The following ZNF875 variants were observed in gnomAD, a reference collection of about 807,000 sequenced individuals.
The protein encoded by ZNF875 is HKR1, GLI-Kruppel zinc finger family member.
A neutral mutation model predicts 11.2 loss-of-function variants in ZNF875; 14 were observed. That is an observed-to-expected ratio of 1.26 (90% CI 0.83 to 1.96). The LOEUF (loss-of-function observed/expected upper bound fraction) is 1.96, where lower values mean the gene tolerates loss of function less well. Among genes scored for constraint, ZNF875 ranks in the 30% most tolerant of loss-of-function variants. The pLI is 0.00. For missense variants in ZNF875, 752 were observed against 760.4 expected (o/e 0.99, Z 0.13); for synonymous variants, 301 against 281.1 (o/e 1.07, Z -0.71).
chr19:37,347,238 T>A lies in ZNF875; in HGVS notation c.82T>A (p.Trp28Arg), dbSNP rs1171182559. ...GGCTGTGTACTTCACCCAGGAGGAG[T>A]GGAGGTTGTTGAGCCCTGCTCAGAG... Reference protein sequence around the residue: ...DVAVYFTQEEWRLLSPAQRTL... With the variant: ...DVAVYFTQEERRLLSPAQRTL... The change falls in exon 3 of 5, where the codon TGG (tryptophan) becomes AGG (arginine). Residue 28 changes from tryptophan (W) to arginine (R), a missense_variant. Coordinates refer to ENST00000392153, the MANE Select transcript of ZNF875 (RefSeq NM_001353803.2). The A allele has an allele frequency of 3.1e-6, 5 of 1,613,720 alleles. No homozygotes were observed. Among genetic ancestry groups the A allele is most frequent in the South Asian group, 1.1e-5 (1 of 91,066 alleles).
chr19:37,363,922 A>G lies in ZNF875; in HGVS notation c.*147A>G. ...CATTCTGTGTGTGATTATGCATGAG[A>G]CTGTACTGGTAAGACTTGTATCTCC... On this transcript the variant is annotated 3_prime_UTR_variant, in exon 5 of 5. Coordinates refer to ENST00000392153, the MANE Select transcript of ZNF875 (RefSeq NM_001353803.2). 1.5e-6 allele frequency: 1 copy of G among 661,920 alleles called. No individual in the cohort carries two copies. Among genetic ancestry groups the G allele is most frequent in the Non-Finnish European group, 2.7e-6 (1 of 375,698 alleles). 41.0% of individuals were successfully genotyped at this position (661,920 alleles called of 1,614,324 possible). A position where few individuals can be genotyped will look rare whatever the true frequency, so the allele number is the denominator to read the frequency against.
Position 37,364,393 on chromosome 19 carries a change from C to T in ZNF875, c.*618C>T, listed in dbSNP as rs1024572279. ...GGTTGGGGACCACTCCCTGCATCCC[C>T]TCTCCACTGAGAGCTGTTCTTTTGC... On this transcript the variant is annotated 3_prime_UTR_variant, in exon 5 of 5. Transcript: ENST00000392153. 1.3e-5 allele frequency: 2 copies of T among 152,994 alleles called. No homozygotes were observed. The highest frequency in any genetic ancestry group is 4.8e-5 in the African/African-American group (2 of 41,448). 9.5% of individuals were successfully genotyped at this position (152,994 alleles called of 1,614,324 possible).
Position 37,362,934 on chromosome 19 carries a change from C to G in ZNF875, c.1082C>G (p.Thr361Ser). Residue 361 changes from threonine (T) to serine (S), a missense_variant, in exon 5 of 5, where the codon ACT (threonine) becomes AGT (serine). Coordinates refer to ENST00000392153, the MANE Select transcript of ZNF875 (RefSeq NM_001353803.2). ...SNLITHQRAHTGEKPYVCREC... is the reference protein window; with the variant it reads ...SNLITHQRAHSGEKPYVCREC... Reference sequence around the variant, plus strand: ...CTCATTACCCACCAGAGGGCGCACACTGGGGAGAAGCCTTATGTTTGCAGG... The same window carrying G: ...CTCATTACCCACCAGAGGGCGCACAGTGGGGAGAAGCCTTATGTTTGCAGG... 4 of 1,614,084 alleles carry G rather than the reference C, an allele frequency of 2.5e-6. No homozygotes were observed. The highest frequency in any genetic ancestry group is 3.4e-6 in the Non-Finnish European group (4 of 1,180,014).
intron 4 of ZNF875, among the ~76,000 whole-genome samples, chr19:37,350,470 TC>T (rs1358518625): frequency 2.6e-5 from 4 of 152,092 alleles, no homozygotes; most frequent in Non-Finnish European, 4.4e-5. Context: ...CATTTACTCT[TC>T]ACCCTGCTTT....
upstream of ZNF875, among the ~76,000 whole-genome samples, chr19:37,332,802 C>A (rs2145855358): frequency 6.6e-6 from 1 of 152,210 alleles, no homozygotes; most frequent in African/African-American, 2.4e-5. Context: ...ATTTTTTCTT[C>A]CCCACTGCGT....
chr19:37,333,270 G>A (rs1370204785), upstream of ZNF875, among the ~76,000 whole-genome samples: 2 of 122,330 alleles, frequency 1.6e-5, no homozygotes, highest in African/African-American at 6.4e-5. Flanking sequence ...TCTTTCTTAA[G>A]TTTTCTAGTC....
intron 4 of ZNF875, among the ~76,000 whole-genome samples, chr19:37,355,987 T>C (rs2038840937): frequency 6.6e-6 from 1 of 152,204 alleles, no homozygotes; most frequent in East Asian, 1.9e-4. Context: ...TTTATGTCCG[T>C]GTGTACCCAT....
Position 37,362,710 on chromosome 19 carries a change from A to T in ZNF875, c.858A>T (p.Glu286Asp). The change falls in exon 5 of 5, where the codon GAA becomes GAT. Residue 286 changes from glutamate (E) to aspartate (D), a missense_variant. Transcript: ENST00000392153. ...GGGGAAAGCCTTATGTGTGCAGGGA[A>T]TGTGGGCGAGGCTTTACGTGGAAGT... ...HSGGKPYVCRECGRGFTWKSN... is the reference protein window; with the variant it reads ...HSGGKPYVCRDCGRGFTWKSN... 6.2e-7 allele frequency: 1 copy of T among 1,613,414 alleles called. No homozygotes were observed. Among genetic ancestry groups the T allele is most frequent in the Non-Finnish European group, 8.5e-7 (1 of 1,179,620 alleles).
chr19:37,315,943 T>G (rs1416557258), upstream of ZNF875, among the ~76,000 whole-genome samples: 5 of 152,128 alleles, frequency 3.3e-5, no homozygotes, highest in African/African-American at 7.2e-5. Context: ...CGATCAGACT[T>G]TAGGATCTGA....
intron 2 of ZNF875, among the ~76,000 whole-genome samples, chr19:37,343,370 C>CAAAAAAAAAAAAAAAAAAAAAAAAACAA (rs34474063): frequency 8.3e-6 from 1 of 120,982 alleles, no homozygotes. Context: ...AAAATAAAAC[C>CAAAAAAAAAAAAAAAAAAAAAAAAACAA]AAAAAAAAAA....
intron 2 of ZNF875, chr19:37,344,690 G>A (rs766221969): frequency 9.3e-6 from 15 of 1,613,670 alleles, no homozygotes; most frequent in African/African-American, 1.3e-5. Flanking sequence ...GAATCATGAG[G>A]GTCAACCACA....
chr19:37,357,426 TATC>T (rs2039102789), intron 4 of ZNF875, among the ~76,000 whole-genome samples: 1 of 152,202 alleles, frequency 6.6e-6, no homozygotes, highest in African/African-American at 2.4e-5. Context: ...CTTTGGGCAG[TATC>T]ATCATTTTAA....
At chr19:37,357,616 T>G (rs1235459512) in intron 4 of ZNF875, among the ~76,000 whole-genome samples, 1 of 152,190 alleles carries the variant, frequency 6.6e-6, no homozygotes, top group Non-Finnish European at 1.5e-5. Flanking sequence ...AAATGGGATC[T>G]TGTTCTTTAT....
chr19:37,335,117 G>A (rs1254078390), intron 1 of ZNF875, 52 bp from the exon 2 acceptor site: 2 of 672,968 alleles, frequency 3.0e-6, no homozygotes, highest in Non-Finnish European at 5.5e-6. Flanking sequence ...GCTTCACTTC[G>A]TGGGGAGGGT....
chr19:37,359,512 C>A, intron 4 of ZNF875: 1 of 264,952 alleles, frequency 3.8e-6, no homozygotes, highest in South Asian at 3.1e-5. Context: ...CAAGCAATTC[C>A]CCTGCCTCAG....
At chr19:37,316,039 T>C (rs2030167666), upstream of ZNF875, among the ~76,000 whole-genome samples, 1 of 152,214 alleles carries the variant, frequency 6.6e-6, no homozygotes, top group African/African-American at 2.4e-5. Context: ...CTTCAACGTT[T>C]AACTTATGCA....
chr19:37,354,127 A>G (rs1386316343), intron 4 of ZNF875, among the ~76,000 whole-genome samples: 1 of 151,718 alleles, frequency 6.6e-6, no homozygotes, highest in Non-Finnish European at 1.5e-5. Context: ...TGTAATTTCT[A>G]TTCTTTTATT....
At chr19:37,313,787 TA>T (rs1472326766), upstream of ZNF875, among the ~76,000 whole-genome samples, 1 of 152,076 alleles carries the variant, frequency 6.6e-6, no homozygotes, top group Non-Finnish European at 1.5e-5. Flanking sequence ...TGGACTTAGG[TA>T]AACTTTAGCA....
chr19:37,327,987 A>G (rs1302950182), intron 4 of ZNF875, among the ~76,000 whole-genome samples: 3 of 149,134 alleles, frequency 2.0e-5, no homozygotes, highest in African/African-American at 7.4e-5. Context: ...CATGCCTGTA[A>G]TCTCAGCACT....
Sources: allele counts gnomAD v4.1 joint callset (sites outside exome capture counted in the v4.1 genomes callset), GRCh38; gene constraint gnomAD v4.1.1; transcripts MANE v1.5; gene names NCBI Gene and HGNC (gene_info 2026-07-23, HGNC 2026-07-21).